Variants in NCK1 observed in about 807,000 individuals in gnomAD.
The protein encoded by NCK1 is NCK adaptor protein 1.
A neutral mutation model predicts 36.6 loss-of-function variants in NCK1; 19 were observed. The observed-to-expected ratio is 0.52, with a 90% confidence interval of 0.36 to 0.76. NCK1 has a LOEUF of 0.76. Among genes scored for constraint, NCK1 ranks in the 30% least tolerant of loss-of-function variants. The pLI is 0.00. For synonymous variants in NCK1, 165 were observed against 156.0 expected (o/e 1.06, Z -0.43); for missense variants, 358 against 445.6 (o/e 0.80, Z 1.77).
intron 1 of NCK1, among the ~76,000 whole-genome samples, chr3:136,898,538 A>G (rs973157504): frequency 2.6e-5 from 4 of 152,206 alleles, no homozygotes; most frequent in Non-Finnish European, 4.4e-5. Flanking sequence ...TAGGAGACAC[A>G]TGCCATAATA....
At chr3:136,939,881 C>G (rs945515620) in intron 2 of NCK1, among the ~76,000 whole-genome samples, 43 of 110,824 alleles carry the variant, frequency 3.9e-4, no homozygotes, top group Non-Finnish European at 6.8e-4. Flanking sequence ...GACAGGGTCT[C>G]TCTTTGTTAC....
intron 1 of NCK1, among the ~76,000 whole-genome samples, chr3:136,867,112 CTT>C (rs1421442106): frequency 6.7e-5 from 2 of 29,962 alleles, no homozygotes; most frequent in African/African-American, 2.4e-4. Context: ...TTCTTTCTTT[CTT>C]TCTTTGTTTC....
chr3:136,882,887 T>C (rs1938981486), intron 1 of NCK1, among the ~76,000 whole-genome samples: 1 of 152,160 alleles, frequency 6.6e-6, no homozygotes, highest in Non-Finnish European at 1.5e-5. Flanking sequence ...TTTCACAGCG[T>C]GTGTTGGATT....
intron 2 of NCK1, among the ~76,000 whole-genome samples, chr3:136,943,072 C>T (rs145709700): frequency 3.3e-5 from 5 of 152,164 alleles, no homozygotes; most frequent in African/African-American, 9.6e-5. Flanking sequence ...ACTTAGGATG[C>T]GATAGCACTC....
chr3:136,928,303 G>C, intron 2 of NCK1, 76 bp downstream of exon 2: 2 of 1,353,320 alleles, frequency 1.5e-6, no homozygotes, highest in Non-Finnish European at 2.0e-6. Flanking sequence ...CATAATTCTG[G>C]CAGCAGTGTG....
At chr3:136,927,731 A>C (rs921158986) in intron 1 of NCK1, among the ~76,000 whole-genome samples, 1 of 152,046 alleles carries the variant, frequency 6.6e-6, no homozygotes, top group African/African-American at 2.4e-5. Context: ...ATGTTGGCCA[A>C]GCTGGTCTCG....
intron 1 of NCK1, among the ~76,000 whole-genome samples, chr3:136,900,521 T>G (rs2108099509): frequency 6.6e-6 from 1 of 152,358 alleles, no homozygotes; most frequent in African/African-American, 2.4e-5. Flanking sequence ...TATGGCAGTA[T>G]GGTCATTTTA....
At position 136,947,529 on chromosome 3, in the gene NCK1, C is replaced by T. The variant is rs554300825; in HGVS notation, c.940-730C>T. Reference sequence around the variant, plus strand: ...TTTTTTAAACATTTAAATTCATTGCCGATATTTAAATATTAGGATATTTAT... The same window carrying T: ...TTTTTTAAACATTTAAATTCATTGCTGATATTTAAATATTAGGATATTTAT... On this transcript the variant is annotated intron_variant, in intron 3 of 3. Coordinates refer to ENST00000481752, the MANE Select transcript of NCK1 (RefSeq NM_001291999.2). Among the ~76,000 whole-genome samples, 9 of 151,912 alleles carry T rather than the reference C, an allele frequency of 5.9e-5. No individual in the cohort carries two copies. In the South Asian group the frequency reaches 1.7e-3, roughly 28 times the overall value.
At chr3:136,926,056 A>G (rs984749111) in intron 1 of NCK1, among the ~76,000 whole-genome samples, 5 of 151,936 alleles carry the variant, frequency 3.3e-5, no homozygotes, top group African/African-American at 1.2e-4. Context: ...TGTGGTTTTA[A>G]TTTGCATTTC....
intron 1 of NCK1, among the ~76,000 whole-genome samples, chr3:136,869,425 A>G (rs1289299267): frequency 6.6e-6 from 1 of 152,086 alleles, no homozygotes; most frequent in Non-Finnish European, 1.5e-5. Flanking sequence ...AATGCCTGTA[A>G]TCTCAGCTAC....
intron 2 of NCK1, among the ~76,000 whole-genome samples, chr3:136,943,330 TAGGA>T (rs1940725380): frequency 2.0e-5 from 3 of 152,126 alleles, no homozygotes; most frequent in Non-Finnish European, 4.4e-5. Flanking sequence ...GTAAGAAAAT[TAGGA>T]AGGAAGAAGT....
At chr3:136,886,793 C>T (rs1384825364) in intron 1 of NCK1, among the ~76,000 whole-genome samples, 3 of 147,934 alleles carry the variant, frequency 2.0e-5, no homozygotes, top group African/African-American at 7.4e-5. Flanking sequence ...GAGTTTGGAA[C>T]TGTCCTGTAG....
In NCK1 at chr3:136,884,125, TCTA is replaced by T. The variant is rs553337003; in HGVS notation, c.-19+21773_-19+21775del. On this transcript the variant is annotated intron_variant, in intron 1 of 3. Coordinates refer to ENST00000481752, the MANE Select transcript of NCK1 (RefSeq NM_001291999.2). Reference sequence around the variant, plus strand: ...TGAAGTCATAATAATGAACGAGCTATCTAGAGAGAGGGTATATGTGAGAAGAGC... The same window carrying T: ...TGAAGTCATAATAATGAACGAGCTATGAGAGAGGGTATATGTGAGAAGAGC... Among the ~76,000 whole-genome samples the T allele has an allele frequency of 2.0e-5, 3 of 152,124 alleles. No individual in the cohort carries two copies. In the South Asian group the frequency reaches 6.2e-4, roughly 32 times the overall value.
chr3:136,907,456 A>G (rs924653189), intron 1 of NCK1, among the ~76,000 whole-genome samples: 1 of 151,840 alleles, frequency 6.6e-6, no homozygotes, highest in African/African-American at 2.4e-5. Flanking sequence ...GTTTCTAGGC[A>G]CCTCTTTATG....
intron 1 of NCK1, among the ~76,000 whole-genome samples, chr3:136,916,021 C>T (rs547088303): frequency 7.9e-5 from 12 of 152,196 alleles, no homozygotes; most frequent in South Asian, 4.2e-4. Flanking sequence ...CCACTGGGCC[C>T]GGCCTAGCCA....
chr3:136,926,655 C>T (rs1263892290), intron 1 of NCK1, among the ~76,000 whole-genome samples: 3 of 152,018 alleles, frequency 2.0e-5, no homozygotes, highest in Non-Finnish European at 2.9e-5. Context: ...CCACAGAGTT[C>T]GATGTATAGT....
intron 1 of NCK1, among the ~76,000 whole-genome samples, chr3:136,920,149 A>G (rs1940068251): frequency 6.6e-6 from 1 of 152,186 alleles, no homozygotes; most frequent in Admixed American, 6.5e-5. Flanking sequence ...AAATACTCTT[A>G]CTAATGAAAC....
intron 1 of NCK1, among the ~76,000 whole-genome samples, chr3:136,889,938 C>T (rs1298005731): frequency 2.0e-5 from 3 of 152,214 alleles, no homozygotes; most frequent in African/African-American, 4.8e-5. Context: ...GCTGGCTTCA[C>T]CCAGTGGATC....
At chr3:136,930,513 T>C in intron 2 of NCK1, 1 of 1,409,464 alleles carries the variant, frequency 7.1e-7, no homozygotes. Flanking sequence ...CTGAGAATTA[T>C]CCTGAGCTGT....
Sources: gnomAD v4.1 joint callset for allele counts (sites outside exome capture counted in the v4.1 genomes callset) on GRCh38, gnomAD v4.1.1 for gene constraint, MANE v1.5 for transcripts, NCBI Gene and HGNC (gene_info 2026-07-23, HGNC 2026-07-21) for gene names.